Variants in KIF5C observed in about 807,000 individuals in gnomAD.
KIF5C encodes kinesin family member 5C.
A neutral mutation model predicts 125.2 loss-of-function variants in KIF5C; 18 were observed. The observed-to-expected ratio is 0.14, with a 90% confidence interval of 0.10 to 0.21. The LOEUF (loss-of-function observed/expected upper bound fraction) is 0.21. KIF5C is among the 10% of genes least tolerant of loss of function. The pLI, the probability that KIF5C is intolerant of heterozygous loss-of-function variation, is 1.00. For missense variants in KIF5C, 780 were observed against 1,183.8 expected (o/e 0.66, Z 5.01); for synonymous variants, 405 against 434.0 (o/e 0.93, Z 0.83).
chr2:148,910,566 C>T (rs1681292807), intron 1 of KIF5C, among the ~76,000 whole-genome samples: 1 of 152,186 alleles, frequency 6.6e-6, no homozygotes, highest in Non-Finnish European at 1.5e-5. Flanking sequence ...AGTGTTTTGA[C>T]AGATAACACG....
In KIF5C at chr2:148,927,872, C is replaced by T. The variant is rs568506712; in HGVS notation, c.218-1409C>T. The stretch of plus-strand genomic sequence containing the variant: ...AATCTGATATGTATGAACATTCTCT[C>T]TCCCTCCTCTTGCTCCCCCTCCTCT... On this transcript the variant is annotated intron_variant, in intron 2 of 25. Transcript: ENST00000435030. 4.6e-5 allele frequency among the ~76,000 whole-genome samples: 7 copies of T among 152,130 alleles called. No homozygotes were observed. The East Asian group carries it at 1.4e-3, about 29-fold the overall frequency.
At chr2:148,979,554 T>A (rs1251004915) in intron 13 of KIF5C, among the ~76,000 whole-genome samples, 1 of 152,216 alleles carries the variant, frequency 6.6e-6, no homozygotes, top group Non-Finnish European at 1.5e-5. Context: ...ATTACAGGTG[T>A]GAGCCACTGC....
At chr2:148,975,578 C>G (rs957062220) in intron 12 of KIF5C, among the ~76,000 whole-genome samples, 21 of 152,192 alleles carry the variant, frequency 1.4e-4, no homozygotes, top group African/African-American at 4.8e-4. Context: ...CCTGGTCAAC[C>G]TCAGTGAATC....
intron 1 of KIF5C, among the ~76,000 whole-genome samples, chr2:148,890,302 C>T (rs191837441): frequency 2.6e-5 from 4 of 152,224 alleles, no homozygotes; most frequent in Admixed American, 2.6e-4. Context: ...ATCACTGTTC[C>T]AGCCTGGGAA....
Position 149,000,713 on chromosome 2 carries a change from G to C in KIF5C, c.2313-9G>C. The C allele has an allele frequency of 6.2e-7, 1 of 1,612,900 alleles. No homozygotes were observed. Among genetic ancestry groups the C allele is most frequent in the Non-Finnish European group, 8.5e-7 (1 of 1,179,612 alleles). On this transcript the variant is annotated splice_polypyrimidine_tract_variant and intron_variant, in intron 20 of 25. Transcript: ENST00000435030. ...CTGTGGTGGTCTATGGTTCCTTTTT[G>C]TTTTTCAGATTGCTCAACGATAAAA...
At chr2:148,989,459 C>T (rs1187041341) in intron 15 of KIF5C, among the ~76,000 whole-genome samples, 3 of 152,074 alleles carry the variant, frequency 2.0e-5, no homozygotes, top group Admixed American at 6.6e-5. Context: ...TAAACATGCA[C>T]GTCTTTTTCA....
At chr2:149,004,299 G>T (rs1313052310) in intron 21 of KIF5C, among the ~76,000 whole-genome samples, 1 of 152,204 alleles carries the variant, frequency 6.6e-6, no homozygotes, top group East Asian at 1.9e-4. Flanking sequence ...GTGAGCGTGT[G>T]TGAGTTGCAT....
At chr2:148,882,022 C>A (rs143207307) in intron 1 of KIF5C, among the ~76,000 whole-genome samples, 177 of 152,254 alleles carry the variant, frequency 1.2e-3, no homozygotes, top group African/African-American at 4.0e-3. Flanking sequence ...AGAAAGCTCT[C>A]CCCATAACCC....
intron 1 of KIF5C, among the ~76,000 whole-genome samples, chr2:148,907,605 T>C (rs1318529718): frequency 6.6e-6 from 1 of 152,208 alleles, no homozygotes; most frequent in Admixed American, 6.5e-5. Flanking sequence ...GGGAAGTCAT[T>C]TTCAGCATAT....
In KIF5C at chr2:148,994,534, C is replaced by A; in HGVS notation, c.2019C>A (p.Ala673=). The A allele has an allele frequency of 6.4e-7, 1 of 1,558,876 alleles. No homozygotes were observed. The highest frequency in any genetic ancestry group is 8.7e-7 in the Non-Finnish European group (1 of 1,151,408). Residue 673 remains alanine (A), a synonymous_variant, in exon 17 of 26, where the codon GCC becomes GCA. Transcript: ENST00000435030. ...SLSEELAKLR[A]QEKMHEVSFQ... The stretch of plus-strand genomic sequence containing the variant: ...GCGAAGAGCTGGCAAAGCTCCGAGC[C>A]CAGGGTAAATATTTGACTAACGTGC...
chr2:148,916,953 T>C (rs1336272324), intron 1 of KIF5C, among the ~76,000 whole-genome samples: 2 of 152,148 alleles, frequency 1.3e-5, no homozygotes, highest in Admixed American at 6.5e-5. Context: ...TAAAACATGC[T>C]GATGGGTTGA....
At position 149,006,227 on chromosome 2, in the gene KIF5C, G is replaced by A. The variant is rs78972340; in HGVS notation, c.2445+763G>A. Among the ~76,000 whole-genome samples, 985 of 152,294 alleles carry A rather than the reference G, an allele frequency of 6.5e-3. 18 individuals carry two copies. The highest frequency in any genetic ancestry group is 0.065 in the Middle Eastern group (19 of 294). ...AGTGTGTGTACGTGTGTGTGTGAAT[G>A]TGTGTCAGTGTGAAGGAGCCAAGGG... On this transcript the variant is annotated intron_variant, in intron 22 of 25. Transcript: ENST00000435030.
At chr2:148,899,894 GGGT>G (rs1680828787) in intron 1 of KIF5C, among the ~76,000 whole-genome samples, 1 of 152,044 alleles carries the variant, frequency 6.6e-6, no homozygotes, top group Non-Finnish European at 1.5e-5. Flanking sequence ...GCTGAATGTA[GGGT>G]ATGCCTGGGC....
At chr2:148,884,676 A>G (rs1016707408) in intron 1 of KIF5C, among the ~76,000 whole-genome samples, 2 of 152,186 alleles carry the variant, frequency 1.3e-5, no homozygotes, top group Admixed American at 6.5e-5. Flanking sequence ...TAACATAACC[A>G]CAATAACACT....
intron 16 of KIF5C, among the ~76,000 whole-genome samples, chr2:148,994,198 G>T (rs1681602485): frequency 1.3e-5 from 2 of 152,180 alleles, no homozygotes; most frequent in Non-Finnish European, 2.9e-5. Context: ...GCCATGAGTG[G>T]TGTCTGTGGG....
intron 13 of KIF5C, 143 bp downstream of exon 13, chr2:148,979,133 C>T (rs1048679960): frequency 1.8e-6 from 2 of 1,117,960 alleles, no homozygotes; most frequent in Admixed American, 3.9e-5. Flanking sequence ...TGTCCCTTCA[C>T]TGCCTCTTAC....
intron 1 of KIF5C, among the ~76,000 whole-genome samples, chr2:148,887,513 A>T (rs999507558): frequency 1.4e-4 from 22 of 152,120 alleles, no homozygotes; most frequent in Admixed American, 3.3e-4. Context: ...AAGCAAATTT[A>T]AAAAAATCGC....
intron 21 of KIF5C, among the ~76,000 whole-genome samples, chr2:149,003,419 G>C (rs1473070661): frequency 1.3e-5 from 2 of 152,250 alleles, no homozygotes; most frequent in Admixed American, 6.5e-5. Flanking sequence ...TGACTGGCTG[G>C]AACAGGACAC....
At chr2:148,917,066 T>C (rs1681584846) in intron 1 of KIF5C, among the ~76,000 whole-genome samples, 1 of 152,252 alleles carries the variant, frequency 6.6e-6, no homozygotes, top group Non-Finnish European at 1.5e-5. Flanking sequence ...TAGCCTCTGA[T>C]TGGCCTTTGC....
Sources: gnomAD v4.1 joint callset for allele counts (sites outside exome capture counted in the v4.1 genomes callset) on GRCh38, gnomAD v4.1.1 for gene constraint, MANE v1.5 for transcripts, NCBI Gene and HGNC (gene_info 2026-07-23, HGNC 2026-07-21) for gene names.